The following CPSF4 variants were observed in gnomAD, a reference collection of about 807,000 sequenced individuals.
CPSF4 encodes the protein cleavage and polyadenylation specificity factor subunit 4.
A neutral mutation model predicts 37.7 loss-of-function variants in CPSF4; 11 were observed. The observed-to-expected ratio is 0.29, with a 90% confidence interval of 0.18 to 0.48. The LOEUF (loss-of-function observed/expected upper bound fraction) is 0.48. Among genes scored for constraint, CPSF4 ranks in the 20% least tolerant of loss-of-function variants. The probability of loss-of-function intolerance (pLI) is 0.99; values close to 1 mark genes in which losing one functional copy is unlikely to be tolerated. For synonymous variants in CPSF4, 132 were observed against 135.9 expected, an observed-to-expected ratio of 0.97 and a Z score of 0.20; for missense variants, 144 against 359.5, an observed-to-expected ratio of 0.40 and a Z score of 4.85.
At chr7:99,451,402 C>T (rs561529641) in intron 5 of CPSF4, among the ~76,000 whole-genome samples, 25 of 152,240 alleles carry the variant, frequency 1.6e-4, no homozygotes, top group Admixed American at 5.9e-4. Context: ...GTCAGGAGTT[C>T]GAGACTAGCC....
chr7:99,442,936 C>T (rs760324372), intron 1 of CPSF4: 83 of 1,572,554 alleles, frequency 5.3e-5, no homozygotes, highest in Middle Eastern at 1.7e-4. Context: ...TCTGTATCCT[C>T]TGTGGTTCCA....
chr7:99,439,325 C>T, intron 1 of CPSF4, 140 bp downstream of exon 1: 1 of 598,754 alleles, frequency 1.7e-6, no homozygotes, highest in Non-Finnish European at 2.9e-6. Flanking sequence ...CCTTTGGTCG[C>T]AGGACTCCTC....
chr7:99,440,193 CAT>C (rs1264602771), intron 1 of CPSF4, among the ~76,000 whole-genome samples: 1 of 152,148 alleles, frequency 6.6e-6, no homozygotes, highest in Non-Finnish European at 1.5e-5. Context: ...TCACTCAGTG[CAT>C]AGCAGAGGCG....
chr7:99,447,663 C>G, intron 2 of CPSF4: 7 of 278,036 alleles, frequency 2.5e-5, no homozygotes, highest in South Asian at 2.1e-4. Context: ...GATCTCTGCT[C>G]ACTGCAAGCT....
chr7:99,450,854 C>T, intron 5 of CPSF4, 59 bp downstream of exon 5: 2 of 1,285,412 alleles, frequency 1.6e-6, no homozygotes, highest in Non-Finnish European at 2.2e-6. Context: ...CTGCTGCCCT[C>T]CGTATCTTCC....
intron 1 of CPSF4, among the ~76,000 whole-genome samples, chr7:99,440,036 G>C (rs929600257): frequency 1.3e-5 from 2 of 151,146 alleles, no homozygotes; most frequent in Non-Finnish European, 2.9e-5. Flanking sequence ...AAAGAAACCA[G>C]TAGTTTTCTT....
Position 99,453,568 on chromosome 7 carries a change from C to T in CPSF4, c.571-398C>T, listed in dbSNP as rs908181801. Reference sequence around the variant, plus strand: ...CGAGAACGCAGCTCAGTGTGTCAGGCTCCAACTGTTTTTCTGTGACTTGCT... The same window carrying T: ...CGAGAACGCAGCTCAGTGTGTCAGGTTCCAACTGTTTTTCTGTGACTTGCT... On this transcript the variant is annotated intron_variant, in intron 6 of 7. Coordinates refer to ENST00000292476, the MANE Select transcript of CPSF4 (RefSeq NM_006693.4). The surrounding 1 kb of genome is among the most constrained non-coding windows in gnomAD (Gnocchi z 4.7). 1 of 162,868 alleles carries T rather than the reference C, an allele frequency of 6.1e-6. No individual in the cohort carries two copies. Among genetic ancestry groups the T allele is most frequent in the African/African-American group, 2.4e-5 (1 of 41,600 alleles). 10.1% of individuals were successfully genotyped at this position (162,868 alleles called of 1,614,324 possible). A position where few individuals can be genotyped will look rare whatever the true frequency, so the allele number is the denominator to read the frequency against.
chr7:99,440,616 G>A (rs1046016205), intron 1 of CPSF4, among the ~76,000 whole-genome samples: 9 of 140,638 alleles, frequency 6.4e-5, no homozygotes, highest in African/African-American at 2.3e-4. Flanking sequence ...CTCGGCCTTC[G>A]GAAGTACTGG....
Position 99,454,051 on chromosome 7 carries a change from C to T in CPSF4, c.656C>T (p.Pro219Leu). 3.7e-6 allele frequency: 6 copies of T among 1,614,198 alleles called. No homozygotes were observed. Among genetic ancestry groups the T allele is most frequent in the South Asian group, 1.1e-5 (1 of 91,076 alleles). Residue 219 changes from proline to leucine, a missense_variant, in exon 7 of 8, where the codon CCG becomes CTG. Transcript: ENST00000292476. ...TCTTCTCCCAATCAGCAGAGAACCCCGCAGGTCATCGGGGTCATGCAGAGT... is the reference window on the plus strand; with the variant it reads ...TCTTCTCCCAATCAGCAGAGAACCCTGCAGGTCATCGGGGTCATGCAGAGT... ...QNSSPNQQRT[P>L]QVIGVMQSQN...
At position 99,453,731 on chromosome 7, in the gene CPSF4, T is replaced by G; in HGVS notation, c.571-235T>G. ...GACCTCCTCTTGTCTCTTTGATGTT[T>G]TGTTTTCTATTTTATTTTTCGTTTT... On this transcript the variant is annotated intron_variant, in intron 6 of 7. Coordinates refer to ENST00000292476, the MANE Select transcript of CPSF4 (RefSeq NM_006693.4). The surrounding 1 kb of genome is among the most constrained non-coding windows in gnomAD (Gnocchi z 4.7). 2.0e-6 allele frequency: 1 copy of G among 497,544 alleles called. No individual in the cohort carries two copies. The highest frequency in any genetic ancestry group is 3.5e-6 in the Non-Finnish European group (1 of 281,708). The allele number at this position is 497,544 out of a possible 1,614,324, so 30.8% of individuals were successfully genotyped here. A position where few individuals can be genotyped will look rare whatever the true frequency, so the allele number is the denominator to read the frequency against.
chr7:99,456,790 C>A lies in CPSF4; in HGVS notation c.*290C>A, dbSNP rs1798347144. On this transcript the variant is annotated 3_prime_UTR_variant, in exon 8 of 8. Coordinates refer to ENST00000292476, the MANE Select transcript of CPSF4 (RefSeq NM_006693.4). ...AACTCCCCTCATCCAGGGAGGGAGG[C>A]AGCTGCTGGGGAGGGGCTTGGCTAG... 1 of 500,326 alleles carries A rather than the reference C, an allele frequency of 2.0e-6. No homozygotes were observed. The highest frequency in any genetic ancestry group is 3.9e-5 in the East Asian group (1 of 25,690). The allele number at this position is 500,326 out of a possible 1,614,324, so 31.0% of individuals were successfully genotyped here.
At chr7:99,446,771 CTTTTTTTTTTTTTTTT>C (rs762892785) in intron 2 of CPSF4, among the ~76,000 whole-genome samples, 29 of 29,124 alleles carry the variant, frequency 1.0e-3, no homozygotes, top group Admixed American at 2.3e-3. Context: ...CCATACCCAG[CTTTTTTTTTTTTTTTT>C]TTTTTTTTTT....
At position 99,446,771 on chromosome 7, in the gene CPSF4, C is replaced by CTTT. The variant is rs762892785; in HGVS notation, c.155-1315_155-1313dup. Among the ~76,000 whole-genome samples the CTTT allele has an allele frequency of 1.7e-3, 49 of 29,124 alleles. 16 individuals carry two copies. The highest frequency in any genetic ancestry group is 3.4e-3 in the African/African-American group (15 of 4,440). 19.1% of individuals were successfully genotyped at this position (29,124 alleles called of 152,430 possible). A position where few individuals can be genotyped will look rare whatever the true frequency, so the allele number is the denominator to read the frequency against. ...TACAGGTGTACACCACCATACCCAG[C>CTTT]TTTTTTTTTTTTTTTTTTTTTTTTT... is the stretch of plus-strand genomic sequence containing the variant. On this transcript the variant is annotated intron_variant, in intron 2 of 7. Transcript: ENST00000292476.
In CPSF4 at chr7:99,440,655, C is replaced by CGCATATATATATATATATAT. The variant is rs1363427698; in HGVS notation, c.103+1470_103+1471insGCATATATATATATATATAT. Among the ~76,000 whole-genome samples, 132 of 90,050 alleles carry CGCATATATATATATATATAT rather than the reference C, an allele frequency of 1.5e-3. 1 individual carries two copies. Among genetic ancestry groups the CGCATATATATATATATATAT allele is most frequent in the Middle Eastern group, 5.0e-3 (1 of 200 alleles). The allele number at this position is 90,050 out of a possible 152,430, so 59.1% of individuals were successfully genotyped here. On this transcript the variant is annotated intron_variant, in intron 1 of 7. Coordinates refer to ENST00000292476, the MANE Select transcript of CPSF4 (RefSeq NM_006693.4). ...TATAGGCATGAGCCACTGCACCTGG[C>CGCATATATATATATATATAT]ATATATATATATATATATATTTTTT...
chr7:99,448,338 T>C lies in CPSF4; in HGVS notation c.307+65T>C. 3 of 1,548,280 alleles carry C rather than the reference T, an allele frequency of 1.9e-6. No homozygotes were observed. Among genetic ancestry groups the C allele is most frequent in the South Asian group, 1.2e-5 (1 of 86,070 alleles). On this transcript the variant is annotated intron_variant, in intron 3 of 7. Transcript: ENST00000292476. This position sits in a 1 kb window ranked among gnomAD's most constrained non-coding sequence, Gnocchi z 4.4. ...GGGTGCAGAGGGGTCCGCTGGCTGC[T>C]CAGTGCCCACACTGTCTCTGCCTGC...
Position 99,452,572 on chromosome 7 carries a change from C to T in CPSF4, c.570+132C>T, listed in dbSNP as rs550039077. On this transcript the variant is annotated intron_variant, in intron 6 of 7. Coordinates refer to ENST00000292476, the MANE Select transcript of CPSF4 (RefSeq NM_006693.4). Reference sequence around the variant, plus strand: ...GGAGAGGAGGGGAGTCTCCCAAGTTCCCGAAGAAAAGTCAGGAGCAAAGCC... The same window carrying T: ...GGAGAGGAGGGGAGTCTCCCAAGTTTCCGAAGAAAAGTCAGGAGCAAAGCC... The T allele has an allele frequency of 8.3e-4, 658 of 791,690 alleles. 2 individuals carry two copies. Among genetic ancestry groups the T allele is most frequent in the Non-Finnish European group, 1.2e-3 (583 of 475,530 alleles). The allele number at this position is 791,690 out of a possible 1,614,324, so 49.0% of individuals were successfully genotyped here. A position where few individuals can be genotyped will look rare whatever the true frequency, so the allele number is the denominator to read the frequency against.
intron 7 of CPSF4, among the ~76,000 whole-genome samples, chr7:99,455,659 C>T (rs1027725411): frequency 6.6e-6 from 1 of 152,186 alleles, no homozygotes; most frequent in Non-Finnish European, 1.5e-5. Flanking sequence ...GCCTCCTGAC[C>T]CTTTTGTTCA....
intron 1 of CPSF4, among the ~76,000 whole-genome samples, chr7:99,442,548 C>T (rs1430584968): frequency 5.4e-5 from 8 of 147,104 alleles, no homozygotes; most frequent in South Asian, 2.2e-4. Flanking sequence ...CCCAGCTACT[C>T]GGGAGGCTGA....
chr7:99,442,196 G>A (rs2150980095), intron 1 of CPSF4, among the ~76,000 whole-genome samples: 1 of 152,302 alleles, frequency 6.6e-6, no homozygotes, highest in Non-Finnish European at 1.5e-5. Flanking sequence ...ACTTGTAGAG[G>A]AAACTGTTTC....
Sources: gnomAD v4.1 joint callset for allele counts (sites outside exome capture counted in the v4.1 genomes callset) on GRCh38, gnomAD v4.1.1 for gene constraint, Gnocchi (gnomAD v3.1) non-coding constraint, MANE v1.5 for transcripts, NCBI Gene and HGNC (gene_info 2026-07-23, HGNC 2026-07-21) for gene names.